Variants in CSMD1 observed in about 807,000 individuals in gnomAD.
CSMD1 encodes CUB and sushi domain-containing protein 1.
Under a neutral mutation model 417.5 loss-of-function variants are expected in CSMD1, and 213 were observed. The ratio of observed to expected loss-of-function variants is 0.51; its 90% confidence interval spans 0.46 to 0.57. CSMD1 has a LOEUF of 0.57. CSMD1 is among the 20% of genes least tolerant of loss of function. The pLI is 0.00. For missense variants in CSMD1, 6,923 were observed against 4,529.7 expected (o/e 1.53, Z -15.17); for synonymous variants, 2,862 against 1,736.8 (o/e 1.65, Z -16.11).
At chr8:4,229,348 C>T (rs1801566733) in intron 3 of CSMD1, among the ~76,000 whole-genome samples, 1 of 152,172 alleles carries the variant, frequency 6.6e-6, no homozygotes. Flanking sequence ...CTTTCTTATC[C>T]ACTTTTGTGC....
intron 1 of CSMD1, among the ~76,000 whole-genome samples, chr8:4,956,040 G>T (rs958424297): frequency 3.3e-5 from 5 of 152,164 alleles, no homozygotes; most frequent in Admixed American, 2.6e-4. Flanking sequence ...CGTGCTCAAA[G>T]ACCACTTGCT....
chr8:3,742,243 C>G (rs1796842972), intron 6 of CSMD1, among the ~76,000 whole-genome samples: 1 of 152,130 alleles, frequency 6.6e-6, no homozygotes, highest in Admixed American at 6.6e-5. Flanking sequence ...TTAATTCTCA[C>G]CTAGACATTT....
chr8:4,976,550 T>G (rs775011612), intron 1 of CSMD1, among the ~76,000 whole-genome samples: 1 of 152,214 alleles, frequency 6.6e-6, no homozygotes, highest in Non-Finnish European at 1.5e-5. Context: ...ACAAAATTAT[T>G]GGGACTGATT....
At chr8:3,879,935 C>A (rs181278284) in intron 5 of CSMD1, among the ~76,000 whole-genome samples, 2 of 151,980 alleles carry the variant, frequency 1.3e-5, no homozygotes, top group Non-Finnish European at 2.9e-5. Flanking sequence ...GTATGTGATA[C>A]GACTTACTAC....
At chr8:4,243,809 T>C (rs1239755419) in intron 3 of CSMD1, among the ~76,000 whole-genome samples, 2 of 152,210 alleles carry the variant, frequency 1.3e-5, no homozygotes, top group African/African-American at 4.8e-5. Flanking sequence ...GACAAGGTCA[T>C]CTTTACAATG....
chr8:3,744,775 T>C (rs1203710523), intron 6 of CSMD1, among the ~76,000 whole-genome samples: 1 of 151,872 alleles, frequency 6.6e-6, no homozygotes, highest in African/African-American at 2.4e-5. Flanking sequence ...AGACTTGGTG[T>C]ATATTTCTCT....
chr8:4,609,684 A>G (rs1801064469), intron 2 of CSMD1, among the ~76,000 whole-genome samples: 2 of 152,188 alleles, frequency 1.3e-5, no homozygotes, highest in African/African-American at 4.8e-5. Context: ...TGCAGATTGT[A>G]CAGGAAACAT....
chr8:4,048,759 G>C (rs1798276133), intron 3 of CSMD1, among the ~76,000 whole-genome samples: 3 of 152,158 alleles, frequency 2.0e-5, no homozygotes, highest in Non-Finnish European at 4.4e-5. Context: ...AAAATGCAAA[G>C]CTGTGTATAT....
In CSMD1 at chr8:3,366,911, G is replaced by A. The variant is rs12542197; in HGVS notation, c.3115+121C>T. The stretch of plus-strand genomic sequence containing the variant: ...ACCCCATTAGTTGGAATCAAGTCAC[G>A]CATGTACAAACACACACGGATGCAC... On this transcript the variant is annotated intron_variant, in intron 20 of 69. Coordinates refer to ENST00000635120, the MANE Select transcript of CSMD1 (RefSeq NM_033225.6). The A allele has an allele frequency of 0.025, 19,561 of 794,100 alleles. 471 individuals are homozygous for A. The highest frequency in any genetic ancestry group is 0.081 in the East Asian group (3,010 of 37,372). 49.2% of individuals were successfully genotyped at this position (794,100 alleles called of 1,614,324 possible).
intron 3 of CSMD1, among the ~76,000 whole-genome samples, chr8:4,171,325 G>A (rs1797753067): frequency 6.6e-6 from 1 of 151,716 alleles, no homozygotes; most frequent in African/African-American, 2.4e-5. Context: ...CCAGGTGTAG[G>A]GATTACAGTT....
At chr8:4,058,511 C>T (rs1358826112) in intron 3 of CSMD1, among the ~76,000 whole-genome samples, 3 of 152,072 alleles carry the variant, frequency 2.0e-5, no homozygotes, top group African/African-American at 4.8e-5. Flanking sequence ...CTTTTCCTAA[C>T]TGAATACCCT....
At chr8:4,483,521 T>A (rs1358953086) in intron 2 of CSMD1, among the ~76,000 whole-genome samples, 1 of 152,214 alleles carries the variant, frequency 6.6e-6, no homozygotes, top group Admixed American at 6.5e-5. Context: ...CATACAAACA[T>A]GAGTGACAAG....
At chr8:4,713,247 T>C (rs868413273) in intron 1 of CSMD1, among the ~76,000 whole-genome samples, 1 of 152,238 alleles carries the variant, frequency 6.6e-6, no homozygotes, top group Admixed American at 6.5e-5. Flanking sequence ...ATTACTCAAG[T>C]ACAGAAGGAA....
intron 6 of CSMD1, among the ~76,000 whole-genome samples, chr8:3,729,918 A>C (rs1194030050): frequency 9.4e-6 from 1 of 105,938 alleles, no homozygotes; most frequent in Non-Finnish European, 1.9e-5. Context: ...TTGCCAATTC[A>C]AAGTAAAAAA....
At chr8:3,962,172 T>C (rs1378935845) in intron 5 of CSMD1, among the ~76,000 whole-genome samples, 1 of 152,138 alleles carries the variant, frequency 6.6e-6, no homozygotes, top group Non-Finnish European at 1.5e-5. Context: ...CCTGCTCTGC[T>C]GAGGTGGTTT....
chr8:3,385,940 C>T (rs1435638668), intron 18 of CSMD1, among the ~76,000 whole-genome samples: 3 of 152,030 alleles, frequency 2.0e-5, no homozygotes, highest in African/African-American at 7.2e-5. Context: ...ATTTCTGCCA[C>T]CATCTGTGAT....
intron 2 of CSMD1, among the ~76,000 whole-genome samples, chr8:4,522,415 T>C (rs1803511591): frequency 6.6e-6 from 1 of 152,120 alleles, no homozygotes; most frequent in Non-Finnish European, 1.5e-5. Context: ...TAGTTATGTA[T>C]CAGAAAGTTC....
At chr8:3,368,811 G>C (rs1434367658) in intron 19 of CSMD1, among the ~76,000 whole-genome samples, 2 of 152,156 alleles carry the variant, frequency 1.3e-5, no homozygotes, top group East Asian at 3.9e-4. Context: ...AGCCATCTCT[G>C]GATTATGTGA....
At chr8:3,943,686 C>G (rs931481513) in intron 5 of CSMD1, among the ~76,000 whole-genome samples, 1 of 152,090 alleles carries the variant, frequency 6.6e-6, no homozygotes, top group Non-Finnish European at 1.5e-5. Flanking sequence ...CTATAATGAA[C>G]TGAAGACACA....
Sources: gnomAD v4.1 joint callset for allele counts (sites outside exome capture counted in the v4.1 genomes callset) on GRCh38, gnomAD v4.1.1 for gene constraint, MANE v1.5 for transcripts, NCBI Gene and HGNC (gene_info 2026-07-23, HGNC 2026-07-21) for gene names.